Variants in DPYSL2 observed in about 807,000 individuals in gnomAD.
The protein encoded by DPYSL2 is dihydropyrimidinase like 2.
DPYSL2 carries 13 observed loss-of-function variants against 69.9 expected under a neutral mutation model. That is an observed-to-expected ratio of 0.19 (90% CI 0.12 to 0.30). DPYSL2 has a LOEUF of 0.30. DPYSL2 is among the 10% of genes least tolerant of loss of function. The probability of loss-of-function intolerance (pLI) is 1.00; values close to 1 mark genes in which losing one functional copy is unlikely to be tolerated. For synonymous variants in DPYSL2, 326 were observed against 359.1 expected (o/e 0.91, Z 1.04); for missense variants, 587 against 918.9 (o/e 0.64, Z 4.67).
intron 3 of DPYSL2, among the ~76,000 whole-genome samples, chr8:26,604,918 C>T (rs1256147899): frequency 1.3e-5 from 2 of 152,150 alleles, no homozygotes; most frequent in African/African-American, 2.4e-5. Context: ...CCTCGGCCTC[C>T]CAAAGTGCTG....
At chr8:26,634,428 CTTTTT>C (rs55746168) in intron 7 of DPYSL2, among the ~76,000 whole-genome samples, 4 of 91,146 alleles carry the variant, frequency 4.4e-5, no homozygotes, top group Admixed American at 1.4e-4. Context: ...CCATGCCCAG[CTTTTT>C]TTTTTTTTTT....
rs1181435943 is a variant in DPYSL2, at chr8:26,652,448, TG to T, written c.1776+13del. ...AGGCAAGGAGCAGGGTGAGTAGTTT[TG>T]TTCTGATGAATTTTTTGTTAAATCA... On this transcript the variant is annotated intron_variant, in intron 12 of 13. Transcript: ENST00000521913. This position sits in a 1 kb window ranked among gnomAD's most constrained non-coding sequence, Gnocchi z 6.3. 3.2e-6 allele frequency: 5 copies of T among 1,587,256 alleles called. No individual in the cohort carries two copies. Among genetic ancestry groups the T allele is most frequent in the Non-Finnish European group, 4.3e-6 (5 of 1,165,016 alleles).
At chr8:26,649,028 G>T (rs186589584) in intron 11 of DPYSL2, among the ~76,000 whole-genome samples, 77 of 152,270 alleles carry the variant, frequency 5.1e-4, no homozygotes, top group African/African-American at 1.8e-3. Flanking sequence ...TTATGGTCAG[G>T]GATCCTAGGG....
At position 26,653,603 on chromosome 8, in the gene DPYSL2, G is replaced by C. The variant is rs1381406366; in HGVS notation, c.1942+206G>C. On this transcript the variant is annotated intron_variant, in intron 13 of 13. Transcript: ENST00000521913. The surrounding 1 kb of genome is among the most constrained non-coding windows in gnomAD (Gnocchi z 5.7). ...AGGCAGGGTCTCGCTCTGTTACCCA[G>C]ACTGGAGTGCAATGGCACGACCTTG... 6.6e-6 allele frequency among the ~76,000 whole-genome samples: 1 copy of C among 152,116 alleles called. No individual in the cohort carries two copies. Among genetic ancestry groups the C allele is most frequent in the Non-Finnish European group, 1.5e-5 (1 of 68,044 alleles).
Position 26,656,307 on chromosome 8 carries a change from G to A in DPYSL2, c.*601G>A, listed in dbSNP as rs1482442911. 6.6e-6 allele frequency: 1 copy of A among 151,856 alleles called. No individual in the cohort carries two copies. The highest frequency in any genetic ancestry group is 2.4e-5 in the African/African-American group (1 of 41,134). The allele number at this position is 151,856 out of a possible 1,614,324, so 9.4% of individuals were successfully genotyped here. A position where few individuals can be genotyped will look rare whatever the true frequency, so the allele number is the denominator to read the frequency against. On this transcript the variant is annotated 3_prime_UTR_variant, in exon 14 of 14. Coordinates refer to ENST00000521913, the MANE Select transcript of DPYSL2 (RefSeq NM_001197293.3). The stretch of plus-strand genomic sequence containing the variant: ...ATTCCGGGTGGTTGGCAAACTCATC[G>A]TGTCTGTCCTGAGAGGCTCCACAAT...
chr8:26,643,533 C>T lies in DPYSL2; in HGVS notation c.1221C>T (p.Val407=), dbSNP rs1803099204. Residue 407 remains valine (V), a synonymous_variant, in exon 9 of 14, where the codon GTC becomes GTT. Coordinates refer to ENST00000521913, the MANE Select transcript of DPYSL2 (RefSeq NM_001197293.3). The surrounding 1 kb of genome is among the most constrained non-coding windows in gnomAD (Gnocchi z 6.5). The part of the protein sequence containing the change: ...SKNWAKAAAF[V]TSPPLSPDPT... Reference sequence around the variant, plus strand: ...ACTGGGCCAAGGCTGCTGCCTTTGTCACCTCCCCACCCTTGAGCCCTGATC... The same window carrying T: ...ACTGGGCCAAGGCTGCTGCCTTTGTTACCTCCCCACCCTTGAGCCCTGATC... 3 of 1,613,998 alleles carry T rather than the reference C, an allele frequency of 1.9e-6. No individual in the cohort carries two copies. The highest frequency in any genetic ancestry group is 2.5e-6 in the Non-Finnish European group (3 of 1,179,954).
chr8:26,633,900 A>G (rs1272599694), intron 7 of DPYSL2, among the ~76,000 whole-genome samples: 2 of 152,138 alleles, frequency 1.3e-5, no homozygotes, highest in Admixed American at 1.3e-4. Context: ...GGTGTAGACA[A>G]ACGGGGCCCA....
intron 1 of DPYSL2, among the ~76,000 whole-genome samples, chr8:26,540,143 C>A (rs560333944): frequency 1.3e-5 from 2 of 152,096 alleles, no homozygotes; most frequent in South Asian, 4.1e-4. Context: ...AATGCACAAA[C>A]ATAATGGGAA....
chr8:26,514,563 C>A lies in DPYSL2; in HGVS notation c.238C>A (p.Pro80Thr). ...DVAHLGPDPQ[P>T]PYSRQGRRAG... ...CGCCCACTTGGGCCCGGACCCGCAG[C>A]CGCCGTACTCGCGGCAGGGCCGGCG... Residue 80 changes from proline (P) to threonine (T), a missense_variant, in exon 1 of 14, where the codon CCG (proline) becomes ACG (threonine). Transcript: ENST00000521913. This position sits in a 1 kb window ranked among gnomAD's most constrained non-coding sequence, Gnocchi z 8.4. The A allele has an allele frequency of 6.5e-7, 1 of 1,527,300 alleles. No individual in the cohort carries two copies. The highest frequency in any genetic ancestry group is 8.8e-7 in the Non-Finnish European group (1 of 1,142,696). The allele number at this position is 1,527,300 out of a possible 1,614,324, so 94.6% of individuals were successfully genotyped here.
Position 26,641,026 on chromosome 8 carries a change from T to G in DPYSL2, c.1127-2413T>G, listed in dbSNP as rs1282985697. Among the ~76,000 whole-genome samples, 2 of 152,158 alleles carry G rather than the reference T, an allele frequency of 1.3e-5. No homozygotes were observed. The highest frequency in any genetic ancestry group is 2.9e-5 in the Non-Finnish European group (2 of 68,010). On this transcript the variant is annotated intron_variant, in intron 8 of 13. Coordinates refer to ENST00000521913, the MANE Select transcript of DPYSL2 (RefSeq NM_001197293.3). This position sits in a 1 kb window ranked among gnomAD's most constrained non-coding sequence, Gnocchi z 4.1. ...CATAGAGCAGCTCCCCACCCCAAGC[T>G]GAGTTGTGTTTCGCAGGGAGAGATA...
At chr8:26,635,676 G>A (rs1266033911) in intron 8 of DPYSL2, among the ~76,000 whole-genome samples, 1 of 92,366 alleles carries the variant, frequency 1.1e-5, no homozygotes, top group Admixed American at 9.2e-5. Context: ...TTATAAAAGG[G>A]TCCCCTTCTT....
At position 26,583,030 on chromosome 8, in the gene DPYSL2, C is replaced by T. The variant is rs115165716; in HGVS notation, c.444-769C>T. On this transcript the variant is annotated intron_variant, in intron 2 of 13. Transcript: ENST00000521913. ...ATTTTCCCCCAATTATAAGATGGCA[C>T]GATCTGGTCTGGTAGAATGACACTG... 7.0e-3 allele frequency among the ~76,000 whole-genome samples: 1,066 copies of T among 152,300 alleles called. 8 individuals carry two copies. The highest frequency in any genetic ancestry group is 0.024 in the African/African-American group (1,011 of 41,560).
rs943502455 is a variant in DPYSL2, at chr8:26,627,156, C to T, written c.856-59C>T. ...ATGCCTCTGGTGGGGAGATGATTGT[C>T]TTTGTGAACAGGAAGATGGAAGTCC... On this transcript the variant is annotated intron_variant, in intron 5 of 13. Transcript: ENST00000521913. This position sits in a 1 kb window ranked among gnomAD's most constrained non-coding sequence, Gnocchi z 6.9. 6.6e-7 allele frequency: 1 copy of T among 1,514,856 alleles called. No individual in the cohort carries two copies. Among genetic ancestry groups the T allele is most frequent in the Non-Finnish European group, 9.2e-7 (1 of 1,090,654 alleles). 93.8% of individuals were successfully genotyped at this position (1,514,856 alleles called of 1,614,324 possible). A position where few individuals can be genotyped will look rare whatever the true frequency, so the allele number is the denominator to read the frequency against.
chr8:26,542,823 G>A (rs950179977), intron 1 of DPYSL2, among the ~76,000 whole-genome samples: 6 of 152,158 alleles, frequency 3.9e-5, no homozygotes, highest in African/African-American at 1.4e-4. Flanking sequence ...GCAGCTTACA[G>A]TTTGCTGTGT....
At position 26,580,748 on chromosome 8, in the gene DPYSL2, C is replaced by A. The variant is rs1189360153; in HGVS notation, c.355-1221C>A. Among the ~76,000 whole-genome samples, 1 of 152,112 alleles carries A rather than the reference C, an allele frequency of 6.6e-6. No homozygotes were observed. The highest frequency in any genetic ancestry group is 1.9e-4 in the East Asian group (1 of 5,194). ...TAACTGAATTTTGAGTTAACTATTG[C>A]CAAAAGAATGTCATTCTTTGAAATG... On this transcript the variant is annotated intron_variant, in intron 1 of 13. Transcript: ENST00000521913. The surrounding 1 kb of genome is among the most constrained non-coding windows in gnomAD (Gnocchi z 4.1).
intron 3 of DPYSL2, among the ~76,000 whole-genome samples, chr8:26,589,187 C>G (rs1424534740): frequency 6.6e-6 from 1 of 152,324 alleles, no homozygotes; most frequent in African/African-American, 2.4e-5. Context: ...CAGGGATGCC[C>G]TCCCTTTCTT....
chr8:26,537,392 A>G (rs889413440), intron 1 of DPYSL2, among the ~76,000 whole-genome samples: 3 of 152,146 alleles, frequency 2.0e-5, no homozygotes, highest in African/African-American at 7.2e-5. Context: ...GTCATTTGCT[A>G]GTTTTTGTCA....
Position 26,627,364 on chromosome 8 carries a change from G to C in DPYSL2, c.936+69G>C, listed in dbSNP as rs1376567570. The C allele has an allele frequency of 4.0e-6, 6 of 1,512,628 alleles. No individual in the cohort carries two copies. In the African/African-American group the frequency reaches 6.9e-5, roughly 17 times the overall value. 93.7% of individuals were successfully genotyped at this position (1,512,628 alleles called of 1,614,324 possible). ...TGAGAGGCAGGCTCAAGAAAGGGAA[G>C]CTGCATCTGTAGCTTAACACCAAGG... is the stretch of plus-strand genomic sequence containing the variant. On this transcript the variant is annotated intron_variant, in intron 6 of 13. Transcript: ENST00000521913. The surrounding 1 kb of genome is among the most constrained non-coding windows in gnomAD (Gnocchi z 6.9).
At chr8:26,632,626 C>T in intron 7 of DPYSL2, among the ~76,000 whole-genome samples, 1 of 152,150 alleles carries the variant, frequency 6.6e-6, no homozygotes, top group Non-Finnish European at 1.5e-5. Context: ...ATTGCTTGAG[C>T]CCAGGAGTTC....
Sources: allele counts gnomAD v4.1 joint callset (sites outside exome capture counted in the v4.1 genomes callset), GRCh38; gene constraint gnomAD v4.1.1; non-coding constraint Gnocchi (gnomAD v3.1); transcripts MANE v1.5; gene names NCBI Gene and HGNC (gene_info 2026-07-23, HGNC 2026-07-21).